The following RGMB variants were observed in gnomAD, a reference collection of about 807,000 sequenced individuals.
The protein encoded by RGMB is repulsive guidance molecule BMP co-receptor b, also known as repulsive guidance molecule B.
A neutral mutation model predicts 26.9 loss-of-function variants in RGMB; 16 were observed. The observed-to-expected ratio is 0.60, with a 90% CI of 0.40 to 0.90. The LOEUF (loss-of-function observed/expected upper bound fraction) is 0.90, where lower values mean the gene tolerates loss of function less well. Ranked by LOEUF, RGMB falls within the 40% of genes least tolerant of loss-of-function variation. The pLI is 0.00. For missense variants in RGMB, 512 were observed against 573.3 expected (o/e 0.89, Z 1.09); for synonymous variants, 225 against 229.3 (o/e 0.98, Z 0.17).
rs771761329 is a variant in RGMB, at chr5:98,793,741, C to T, written c.1302C>T (p.Ile434=). Residue 434 remains isoleucine, a synonymous_variant, in exon 3 of 3, where the codon ATC becomes ATT. Coordinates refer to ENST00000513185, the MANE Select transcript of RGMB (RefSeq NM_001366508.1). ...VSLGLTCLIL[I]VFL The stretch of plus-strand genomic sequence containing the variant: ...TAGGACTCACCTGCTTGATCCTTAT[C>T]GTGTTTTTGTAGGGGTTGTCTTTTG... The T allele has an allele frequency of 3.8e-6, 6 of 1,568,202 alleles. No individual in the cohort carries two copies. The Admixed American group carries it at 5.7e-5, about 15-fold the overall frequency.
chr5:98,791,427 C>T (rs930317889), intron 2 of RGMB, among the ~76,000 whole-genome samples: 1 of 151,452 alleles, frequency 6.6e-6, no homozygotes. Context: ...AAATGCTGGC[C>T]GAGTTGGAGA....
chr5:98,773,914 C>G lies in RGMB; in HGVS notation c.-157C>G, dbSNP rs755042523. 7 of 545,230 alleles carry G rather than the reference C, an allele frequency of 1.3e-5. No individual in the cohort carries two copies. The highest frequency in any genetic ancestry group is 2.3e-5 in the Non-Finnish European group (7 of 309,762). 33.8% of individuals were successfully genotyped at this position (545,230 alleles called of 1,614,324 possible). On this transcript the variant is annotated 5_prime_UTR_variant, in exon 1 of 3. Transcript: ENST00000513185. ...TGCGCCGGCTGCGCGCTGCTTGCTG[C>G]GGCGGTGGTGGCGCCCCATCTGCTA...
At chr5:98,773,504 C>G (rs1746247890), upstream of RGMB, 1 of 163,880 alleles carries the variant, frequency 6.1e-6, no homozygotes, top group Non-Finnish European at 1.3e-5. Flanking sequence ...CCCTCTGGGT[C>G]CTGCGATTGG....
At chr5:98,792,818 C>T (rs1191075135) in intron 2 of RGMB, 4 of 272,322 alleles carry the variant, frequency 1.5e-5, no homozygotes, top group Non-Finnish European at 2.7e-5. Flanking sequence ...CAACACTGCT[C>T]ACTTGCTCAC....
At position 98,793,942 on chromosome 5, in the gene RGMB, T is replaced by TAAA; in HGVS notation, c.*189_*190insAAA. On this transcript the variant is annotated 3_prime_UTR_variant, in exon 3 of 3. Coordinates refer to ENST00000513185, the MANE Select transcript of RGMB (RefSeq NM_001366508.1). Reference sequence around the variant, plus strand: ...TTTTCACATATGTTGGATGTAGTGTTCTTTGATTGTATCAATTTTGTTTTG... The same window carrying TAAA: ...TTTTCACATATGTTGGATGTAGTGTTAAACTTTGATTGTATCAATTTTGTTTTG... 7.8e-6 allele frequency: 4 copies of TAAA among 515,996 alleles called. No individual in the cohort carries two copies. The highest frequency in any genetic ancestry group is 1.0e-5 in the Non-Finnish European group (3 of 298,514). The allele number at this position is 515,996 out of a possible 1,614,324, so 32.0% of individuals were successfully genotyped here. A position where few individuals can be genotyped will look rare whatever the true frequency, so the allele number is the denominator to read the frequency against.
Position 98,774,329 on chromosome 5 carries a change from C to T in RGMB, c.136+123C>T, listed in dbSNP as rs977084672. On this transcript the variant is annotated intron_variant, in intron 1 of 2. Coordinates refer to ENST00000513185, the MANE Select transcript of RGMB (RefSeq NM_001366508.1). ...GGCGTGGCGCAACGGGAAAGGCCTC[C>T]CGAGCCCCTGACACGCACCTCTGTC... The T allele has an allele frequency of 2.9e-6, 3 of 1,026,416 alleles. No individual in the cohort carries two copies. The African/African-American group carries it at 5.1e-5, about 17-fold the overall frequency. The allele number at this position is 1,026,416 out of a possible 1,614,324, so 63.6% of individuals were successfully genotyped here.
At position 98,793,004 on chromosome 5, in the gene RGMB, CG is replaced by C. The variant is rs1746980413; in HGVS notation, c.646-77del. The C allele has an allele frequency of 9.6e-6, 11 of 1,141,906 alleles. No individual in the cohort carries two copies. In the East Asian group the frequency reaches 2.8e-4, roughly 29 times the overall value. 70.7% of individuals were successfully genotyped at this position (1,141,906 alleles called of 1,614,324 possible). On this transcript the variant is annotated intron_variant, in intron 2 of 2. Coordinates refer to ENST00000513185, the MANE Select transcript of RGMB (RefSeq NM_001366508.1). ...CTTAAGCCATTCAGCTTCAAAATGG[CG>C]GGGAGCTCTTGCTACAGAGGGTTAC...
At chr5:98,781,292 C>A (rs1580280432) in intron 2 of RGMB, 1 of 152,186 alleles carries the variant, frequency 6.6e-6, no homozygotes, top group Non-Finnish European at 1.5e-5. Context: ...ACGACTGTTA[C>A]ACTGGTCTAG....
Position 98,774,040 on chromosome 5 carries a change from G to T in RGMB, c.-31G>T. The T allele has an allele frequency of 1.3e-6, 1 of 772,572 alleles. No individual in the cohort carries two copies. The allele number at this position is 772,572 out of a possible 1,614,324, so 47.9% of individuals were successfully genotyped here. The stretch of plus-strand genomic sequence containing the variant: ...CCACGGCGCCCGCGCCGCCGCCCTC[G>T]CCGGAGCCCACGAGACCTGCATGGA... On this transcript the variant is annotated 5_prime_UTR_variant, in exon 1 of 3. Coordinates refer to ENST00000513185, the MANE Select transcript of RGMB (RefSeq NM_001366508.1).
intron 2 of RGMB, among the ~76,000 whole-genome samples, chr5:98,788,211 C>A (rs1045901291): frequency 2.0e-5 from 3 of 152,162 alleles, no homozygotes; most frequent in Admixed American, 2.0e-4. Context: ...TTTAATCTGC[C>A]ACTCACCTCG....
chr5:98,774,085 A>C lies in RGMB; in HGVS notation c.15A>C (p.Ala5=). 1 of 1,104,376 alleles carries C rather than the reference A, an allele frequency of 9.1e-7. No individual in the cohort carries two copies. Among genetic ancestry groups the C allele is most frequent in the East Asian group, 2.9e-5 (1 of 34,424 alleles). 68.4% of individuals were successfully genotyped at this position (1,104,376 alleles called of 1,614,324 possible). A position where few individuals can be genotyped will look rare whatever the true frequency, so the allele number is the denominator to read the frequency against. ...CATGGACGGGCATGGGCTTGAGAGC[A>C]GCACCTTCCAGCGCCGCCGCTGCCG... The part of the protein sequence containing the change: MGLR[A]APSSAAAAAA... Residue 5 remains alanine (A), a synonymous_variant, in exon 1 of 3, where the codon GCA becomes GCC. Transcript: ENST00000513185.
intron 2 of RGMB, chr5:98,780,389 A>G (rs929124753): frequency 3.5e-6 from 1 of 288,746 alleles, no homozygotes; most frequent in Admixed American, 4.8e-5. Flanking sequence ...TTTTTCAGTG[A>G]TGTCTTTTTT....
In RGMB at chr5:98,773,893, CCGGCTGCGCGCTGCTTGCTGCGG is replaced by C. The variant is rs1245346643; in HGVS notation, c.-174_-152del. On this transcript the variant is annotated 5_prime_UTR_variant, in exon 1 of 3. It removes the in-frame stop codon of an upstream open reading frame in the 5' UTR. Coordinates refer to ENST00000513185, the MANE Select transcript of RGMB (RefSeq NM_001366508.1). ...CTGCTGCCGCCGCGGACTGGCTGCG[CCGGCTGCGCGCTGCTTGCTGCGG>C]CGGTGGTGGCGCCCCATCTGCTACA... 1.2e-5 allele frequency: 6 copies of C among 520,990 alleles called. No individual in the cohort carries two copies. The highest frequency in any genetic ancestry group is 3.6e-5 in the East Asian group (1 of 28,118). 32.3% of individuals were successfully genotyped at this position (520,990 alleles called of 1,614,324 possible).
intron 2 of RGMB, among the ~76,000 whole-genome samples, chr5:98,788,569 G>A (rs544007470): frequency 3.3e-4 from 50 of 152,078 alleles, no homozygotes; most frequent in Non-Finnish European, 5.0e-4. Flanking sequence ...TTCCCCCCTC[G>A]AGAGAGAGAC....
At chr5:98,791,497 AGGGGG>A in intron 2 of RGMB, among the ~76,000 whole-genome samples, 1 of 149,574 alleles carries the variant, frequency 6.7e-6, no homozygotes, top group East Asian at 2.0e-4. Flanking sequence ...AGGCGGGGGG[AGGGGG>A]GTGCATTTTC....
At chr5:98,782,301 T>G (rs1746633566) in intron 2 of RGMB, among the ~76,000 whole-genome samples, 1 of 152,186 alleles carries the variant, frequency 6.6e-6, no homozygotes. Context: ...TTACAATACG[T>G]TCCTTTTACC....
upstream of RGMB, chr5:98,770,771 C>G (rs577286718): frequency 1.1e-5 from 8 of 698,412 alleles, no homozygotes; most frequent in South Asian, 2.2e-4. Context: ...ACTGTTCTAA[C>G]GCTTTTTAAT....
At chr5:98,769,226 A>G (rs1746070012), upstream of RGMB, 1 of 137,646 alleles carries the variant, frequency 7.3e-6, no homozygotes, top group Non-Finnish European at 1.5e-5. Flanking sequence ...TGAGCCGGAT[A>G]GCGCCGGCAG....
intron 2 of RGMB, among the ~76,000 whole-genome samples, chr5:98,783,568 A>G (rs780204213): frequency 2.6e-5 from 4 of 152,204 alleles, no homozygotes; most frequent in African/African-American, 4.8e-5. Context: ...GACTTCTTCC[A>G]TGTTATTTTT....
Sources: allele counts gnomAD v4.1 joint callset (sites outside exome capture counted in the v4.1 genomes callset), GRCh38; gene constraint gnomAD v4.1.1; transcripts MANE v1.5; gene names NCBI Gene and HGNC (gene_info 2026-07-23, HGNC 2026-07-21).